TCF7L2: variants seen among roughly 807,000 people sequenced by gnomAD.
The protein encoded by TCF7L2 is transcription factor 7-like 2.
A neutral mutation model predicts 77.9 loss-of-function variants in TCF7L2; 23 were observed. The ratio of observed to expected loss-of-function variants is 0.30; its 90% confidence interval spans 0.21 to 0.42. The LOEUF (loss-of-function observed/expected upper bound fraction) is 0.42. TCF7L2 is among the 10% of genes least tolerant of loss of function. TCF7L2 has a pLI of 1.00. For missense variants in TCF7L2, 654 were observed against 793.1 expected, an observed-to-expected ratio of 0.82 and a Z score of 2.11; for synonymous variants, 413 against 340.2, an observed-to-expected ratio of 1.21 and a Z score of -2.36.
intron 5 of TCF7L2, among the ~76,000 whole-genome samples, chr10:113,084,901 AC>A (rs199587613): frequency 4.4e-4 from 54 of 124,044 alleles, no homozygotes; most frequent in South Asian, 1.3e-3. Context: ...GTCTCAAGCC[AC>A]CCCCCCCCAA....
At chr10:112,977,179 G>A (rs570619508) in intron 4 of TCF7L2, among the ~76,000 whole-genome samples, 2 of 152,210 alleles carry the variant, frequency 1.3e-5, no homozygotes, top group South Asian at 2.1e-4. Flanking sequence ...GATTTTTGAG[G>A]TTGAGATGAA....
rs775165558 is a variant in TCF7L2, at chr10:113,166,149, A to G, written c.*177A>G. The stretch of plus-strand genomic sequence containing the variant: ...CAATATTTGACCCATTCTTATTTCA[A>G]TTTCTCCTTTTAAATATGTAGATGA... On this transcript the variant is annotated 3_prime_UTR_variant, in exon 14 of 14. Coordinates refer to ENST00000627217, the MANE Select transcript of TCF7L2 (RefSeq NM_001146274.2). 14 of 536,668 alleles carry G rather than the reference A, an allele frequency of 2.6e-5. No individual in the cohort carries two copies. The highest frequency in any genetic ancestry group is 3.5e-5 in the East Asian group (1 of 28,524). 33.2% of individuals were successfully genotyped at this position (536,668 alleles called of 1,614,324 possible).
intron 4 of TCF7L2, among the ~76,000 whole-genome samples, chr10:112,984,368 G>C (rs967424581): frequency 6.6e-6 from 1 of 152,172 alleles, no homozygotes; most frequent in Admixed American, 6.5e-5. Flanking sequence ...CTTAGGCTGC[G>C]GAAGGCCTGT....
At chr10:113,127,866 CTTTTTTTTTTT>C (rs34638595) in intron 5 of TCF7L2, among the ~76,000 whole-genome samples, 1 of 110,220 alleles carries the variant, frequency 9.1e-6, no homozygotes, top group Admixed American at 1.0e-4. Flanking sequence ...TTGCTGCGTC[CTTTTTTTTTTT>C]TTTTTTTTTT....
intron 5 of TCF7L2, among the ~76,000 whole-genome samples, chr10:113,046,253 G>A (rs139887251): frequency 3.9e-4 from 60 of 152,256 alleles, no homozygotes; most frequent in African/African-American, 1.3e-3. Context: ...CTCAGTTGTA[G>A]CCCCTGCATG....
At chr10:113,161,499 C>A (rs140157833) in intron 13 of TCF7L2, 2 of 1,462,572 alleles carry the variant, frequency 1.4e-6, no homozygotes, top group Middle Eastern at 1.7e-4. Flanking sequence ...GGAGGGATAC[C>A]GACTAGCTCC....
intron 5 of TCF7L2, among the ~76,000 whole-genome samples, chr10:113,062,859 A>G (rs779955333): frequency 2.5e-4 from 38 of 152,158 alleles, no homozygotes; most frequent in Non-Finnish European, 5.3e-4. Context: ...CTTTACTACC[A>G]AAGACTGAAT....
At chr10:113,080,918 A>G (rs1216561416) in intron 5 of TCF7L2, among the ~76,000 whole-genome samples, 1 of 152,206 alleles carries the variant, frequency 6.6e-6, no homozygotes, top group East Asian at 1.9e-4. Context: ...AGGATATGTA[A>G]TTGGGGTTCC....
rs183304260 is a variant in TCF7L2, at chr10:113,013,264, G to A, written c.451-26761G>A. Reference sequence around the variant, plus strand: ...CTCCTGAATAGCTGGGACTACAGGCGTGCGCCCCCACACCTGGCTAAGTTT... The same window carrying A: ...CTCCTGAATAGCTGGGACTACAGGCATGCGCCCCCACACCTGGCTAAGTTT... On this transcript the variant is annotated intron_variant, in intron 4 of 13. Transcript: ENST00000627217. Among the ~76,000 whole-genome samples the A allele has an allele frequency of 2.1e-3, 313 of 152,124 alleles. 3 individuals carry two copies. Among genetic ancestry groups the A allele is most frequent in the African/African-American group, 6.7e-3 (278 of 41,506 alleles).
intron 11 of TCF7L2, 96 bp from the exon 12 acceptor site, chr10:113,157,925 G>T: frequency 1.5e-6 from 2 of 1,298,436 alleles, no homozygotes; most frequent in South Asian, 1.3e-5. Context: ...TGGCAGTATG[G>T]TCACTTCCTC....
intron 4 of TCF7L2, among the ~76,000 whole-genome samples, chr10:113,003,359 C>T (rs2044847129): frequency 6.6e-6 from 1 of 152,148 alleles, no homozygotes; most frequent in Admixed American, 6.5e-5. Flanking sequence ...CCTTTGTTTC[C>T]CAGCCACCCA....
chr10:112,984,053 C>T (rs1034744023), intron 4 of TCF7L2, among the ~76,000 whole-genome samples: 3 of 152,192 alleles, frequency 2.0e-5, no homozygotes, highest in Admixed American at 2.0e-4. Flanking sequence ...GTTTAAACCT[C>T]CCTCATTTGC....
intron 4 of TCF7L2, among the ~76,000 whole-genome samples, chr10:113,022,869 C>A (rs189165545): frequency 6.6e-6 from 1 of 152,224 alleles, no homozygotes; most frequent in African/African-American, 2.4e-5. Context: ...AGATGGTCTG[C>A]TTTTATATCC....
chr10:112,971,331 G>C (rs1589829359), intron 4 of TCF7L2, among the ~76,000 whole-genome samples: 1 of 152,064 alleles, frequency 6.6e-6, no homozygotes, highest in African/African-American at 2.4e-5. Context: ...GCCTTACTCT[G>C]TTGTCCAGGC....
chr10:113,086,742 T>C (rs1287191365), intron 5 of TCF7L2, among the ~76,000 whole-genome samples: 1 of 145,934 alleles, frequency 6.9e-6, no homozygotes, highest in Admixed American at 7.0e-5. Context: ...TTGTTTGTTT[T>C]TTAAGAAAGA....
At chr10:112,961,946 C>A (rs1436084992) in intron 3 of TCF7L2, among the ~76,000 whole-genome samples, 1 of 151,878 alleles carries the variant, frequency 6.6e-6, no homozygotes, top group Admixed American at 6.6e-5. Context: ...TAACTTTGTC[C>A]TATATGTTGG....
Position 113,045,032 on chromosome 10 carries a change from G to A in TCF7L2, c.552+4906G>A, listed in dbSNP as rs114784086. Among the ~76,000 whole-genome samples the A allele has an allele frequency of 5.8e-3, 880 of 152,274 alleles. 7 individuals carry two copies. Among genetic ancestry groups the A allele is most frequent in the African/African-American group, 0.018 (735 of 41,552 alleles). On this transcript the variant is annotated intron_variant, in intron 5 of 13. Transcript: ENST00000627217. ...GATATTGGCATTGAGGGAGAAAGGAGAGTCAAAGGTAGGTAGATGGAGATG... is the reference window on the plus strand; with the variant it reads ...GATATTGGCATTGAGGGAGAAAGGAAAGTCAAAGGTAGGTAGATGGAGATG...
rs532674308 is a variant in TCF7L2, at chr10:113,039,962, G to C, written c.451-63G>C. ...CATGTCACAGTTATTTCTTGGGCTA[G>C]TTGTTCTGCATTTACTTTCTGAATT... On this transcript the variant is annotated intron_variant, in intron 4 of 13. Coordinates refer to ENST00000627217, the MANE Select transcript of TCF7L2 (RefSeq NM_001146274.2). The C allele has an allele frequency of 2.0e-5, 28 of 1,432,348 alleles. No individual in the cohort carries two copies. The African/African-American group carries it at 2.5e-4, about 13-fold the overall frequency. 88.7% of individuals were successfully genotyped at this position (1,432,348 alleles called of 1,614,324 possible). A position where few individuals can be genotyped will look rare whatever the true frequency, so the allele number is the denominator to read the frequency against.
chr10:113,125,458 C>T (rs567936857), intron 5 of TCF7L2: 62 of 151,760 alleles, frequency 4.1e-4, no homozygotes, highest in African/African-American at 1.4e-3. Context: ...TCTTGGGAGA[C>T]ACCTTAAGAT....
Sources: gnomAD v4.1 joint callset for allele counts (sites outside exome capture counted in the v4.1 genomes callset) on GRCh38, gnomAD v4.1.1 for gene constraint, MANE v1.5 for transcripts, NCBI Gene and HGNC (gene_info 2026-07-23, HGNC 2026-07-21) for gene names.